The following ASPH variants were observed in gnomAD, a reference collection of about 807,000 sequenced individuals.
ASPH encodes the protein aspartyl/asparaginyl beta-hydroxylase.
A neutral mutation model predicts 118.4 loss-of-function variants in ASPH; 100 were observed. That is an observed-to-expected ratio of 0.84 (90% CI 0.72 to 1.00). The LOEUF is 1.00. Ranked by LOEUF, ASPH falls within the 50% of genes least tolerant of loss-of-function variation. The probability of loss-of-function intolerance (pLI) is 0.00; values close to 1 mark genes in which losing one functional copy is unlikely to be tolerated. For synonymous variants in ASPH, 315 were observed against 325.6 expected, an observed-to-expected ratio of 0.97 and a Z score of 0.35; for missense variants, 920 against 919.5, an observed-to-expected ratio of 1.00 and a Z score of -0.01.
chr8:61,703,568 C>T (rs992067178), intron 1 of ASPH, among the ~76,000 whole-genome samples: 18 of 151,678 alleles, frequency 1.2e-4, no homozygotes, highest in East Asian at 3.9e-4. Context: ...CAGAAAAATG[C>T]GTAAAAAGAG....
At chr8:61,714,207 G>C in intron 1 of ASPH, 62 bp downstream of exon 1, 1 of 1,359,136 alleles carries the variant, frequency 7.4e-7, no homozygotes, top group Non-Finnish European at 9.4e-7. Flanking sequence ...AGCGTCCGCC[G>C]CGCCAGCCGG....
In ASPH at chr8:61,714,545, C is replaced by G; in HGVS notation, c.-174G>C. The G allele has an allele frequency of 1.0e-6, 1 of 1,004,314 alleles. No homozygotes were observed. The highest frequency in any genetic ancestry group is 1.3e-6 in the Non-Finnish European group (1 of 769,974). The allele number at this position is 1,004,314 out of a possible 1,614,324, so 62.2% of individuals were successfully genotyped here. ...CTGCAGCACCTGGGAAGACTTCACC[C>G]GCCTGCCGGCTGCGCGCGCCCGGCC... On this transcript the variant is annotated 5_prime_UTR_variant, in exon 1 of 25. Transcript: ENST00000379454.
chr8:61,579,119 G>C, intron 15 of ASPH: 1 of 1,611,116 alleles, frequency 6.2e-7, no homozygotes, highest in Admixed American at 1.7e-5. Context: ...GGGATGACCT[G>C]TGGCGCACAA....
At chr8:61,505,390 G>A (rs565844792) in intron 24 of ASPH, among the ~76,000 whole-genome samples, 1 of 151,634 alleles carries the variant, frequency 6.6e-6, no homozygotes, top group African/African-American at 2.4e-5. Context: ...AGCTACTCAG[G>A]AGGCTGAGGC....
chr8:61,565,053 T>C (rs1194496012), intron 17 of ASPH, among the ~76,000 whole-genome samples: 1 of 152,234 alleles, frequency 6.6e-6, no homozygotes, highest in Non-Finnish European at 1.5e-5. Context: ...TACTTGCCTT[T>C]GGTACTGGGA....
chr8:61,617,650 G>T (rs1475694586), intron 14 of ASPH, among the ~76,000 whole-genome samples: 1 of 152,016 alleles, frequency 6.6e-6, no homozygotes, highest in African/African-American at 2.4e-5. Flanking sequence ...AACAGCTAAG[G>T]CCAGGCACGG....
rs1172561558 is a variant in ASPH, at chr8:61,500,789, T to TTTTAG, written c.*2565_*2569dup. ...TGGTGCTCAAAGTCAAACAAAAATA[T>TTTTAG]TTTAGTTAATAATGGGCAGTAAAAT... On this transcript the variant is annotated 3_prime_UTR_variant, in exon 25 of 25. Transcript: ENST00000379454. The TTTTAG allele has an allele frequency of 6.6e-6, 1 of 152,204 alleles. No individual in the cohort carries two copies. The highest frequency in any genetic ancestry group is 1.5e-5 in the Non-Finnish European group (1 of 68,040). The allele number at this position is 152,204 out of a possible 1,614,324, so 9.4% of individuals were successfully genotyped here. A position where few individuals can be genotyped will look rare whatever the true frequency, so the allele number is the denominator to read the frequency against.
intron 18 of ASPH, among the ~76,000 whole-genome samples, chr8:61,556,937 G>A (rs537162564): frequency 1.3e-5 from 2 of 152,278 alleles, no homozygotes; most frequent in South Asian, 2.1e-4. Context: ...CCAGGCCCTC[G>A]GGGGGCCCAC....
intron 22 of ASPH, among the ~76,000 whole-genome samples, chr8:61,520,938 T>C (rs1386924068): frequency 6.6e-6 from 1 of 152,224 alleles, no homozygotes; most frequent in Non-Finnish European, 1.5e-5. Flanking sequence ...TCTAGCTCTT[T>C]AGACACATTT....
At chr8:61,626,361 TA>T in intron 13 of ASPH, 3 of 1,354,146 alleles carry the variant, frequency 2.2e-6, no homozygotes, top group Non-Finnish European at 2.9e-6. Context: ...TTCTACTTTT[TA>T]AAAAACCCAC....
intron 1 of ASPH, among the ~76,000 whole-genome samples, chr8:61,693,931 C>T (rs1190814013): frequency 6.6e-6 from 1 of 152,140 alleles, no homozygotes; most frequent in African/African-American, 2.4e-5. Context: ...TATCCCCCGC[C>T]ACAGAGGCAA....
At chr8:61,580,794 A>T (rs1364051227) in intron 15 of ASPH, among the ~76,000 whole-genome samples, 1 of 152,192 alleles carries the variant, frequency 6.6e-6, no homozygotes, top group Non-Finnish European at 1.5e-5. Flanking sequence ...ATGAGGAAAC[A>T]TGATTGCATT....
intron 22 of ASPH, among the ~76,000 whole-genome samples, chr8:61,520,710 G>C (rs934488476): frequency 6.6e-6 from 1 of 152,174 alleles, no homozygotes; most frequent in African/African-American, 2.4e-5. Context: ...GGGCTGCTTG[G>C]CAGGAGTCCC....
chr8:61,623,646 G>A (rs1041492224), intron 13 of ASPH: 2 of 152,092 alleles, frequency 1.3e-5, no homozygotes, highest in Non-Finnish European at 2.9e-5. Context: ...TTTCCCCATT[G>A]TTTTCTCTTA....
At chr8:61,620,753 C>G (rs1346808848) in intron 13 of ASPH, among the ~76,000 whole-genome samples, 1 of 152,198 alleles carries the variant, frequency 6.6e-6, no homozygotes, top group Non-Finnish European at 1.5e-5. Flanking sequence ...CTGCAACCCT[C>G]CACATCCCCC....
chr8:61,676,335 G>A (rs1221912822), intron 3 of ASPH: 1 of 1,562,272 alleles, frequency 6.4e-7, no homozygotes, highest in Non-Finnish European at 8.6e-7. Context: ...TAAGAATAAA[G>A]GAAGAGAGAG....
At chr8:61,523,366 A>G (rs1243290772) in intron 22 of ASPH, among the ~76,000 whole-genome samples, 1 of 141,356 alleles carries the variant, frequency 7.1e-6, no homozygotes, top group Non-Finnish European at 1.5e-5. Context: ...CCCAGGCTGG[A>G]GTGCAGTGGC....
intron 3 of ASPH, chr8:61,665,479 A>G (rs1819104093): frequency 3.8e-6 from 6 of 1,568,858 alleles, no homozygotes; most frequent in Non-Finnish European, 5.2e-6. Flanking sequence ...ATAGGTCTGC[A>G]TCAGCAATTT....
intron 14 of ASPH, 90 bp from the exon 15 acceptor site, chr8:61,584,119 TG>T: frequency 1.3e-6 from 1 of 794,936 alleles, no homozygotes; most frequent in South Asian, 1.8e-5. Flanking sequence ...GGAAACCTGA[TG>T]CTGGTCTCCA....
Sources: allele counts gnomAD v4.1 joint callset (sites outside exome capture counted in the v4.1 genomes callset), GRCh38; gene constraint gnomAD v4.1.1; transcripts MANE v1.5; gene names NCBI Gene and HGNC (gene_info 2026-07-23, HGNC 2026-07-21).